PBX1: variants seen among roughly 807,000 people sequenced by gnomAD.
PBX1 encodes the protein PBX homeobox 1.
PBX1 carries 6 observed loss-of-function variants against 53.4 expected under a neutral mutation model. The observed-to-expected ratio is 0.11, with a 90% CI of 0.06 to 0.22. The LOEUF (loss-of-function observed/expected upper bound fraction) is 0.22, where lower values mean the gene tolerates loss of function less well. Ranked by LOEUF, PBX1 falls within the 10% of genes least tolerant of loss-of-function variation. The pLI, the probability that PBX1 is intolerant of heterozygous loss-of-function variation, is 1.00. For missense variants in PBX1, 251 were observed against 551.4 expected, an observed-to-expected ratio of 0.46 and a Z score of 5.46; for synonymous variants, 204 against 212.3, an observed-to-expected ratio of 0.96 and a Z score of 0.34.
chr1:164,615,477 G>A (rs1657220079), intron 2 of PBX1, among the ~76,000 whole-genome samples: 1 of 151,824 alleles, frequency 6.6e-6, no homozygotes, highest in Admixed American at 6.6e-5. Flanking sequence ...TTGTTCAGGT[G>A]TAATATTCCT....
chr1:164,671,922 T>A (rs1393393250), intron 2 of PBX1, among the ~76,000 whole-genome samples: 1 of 152,194 alleles, frequency 6.6e-6, no homozygotes, highest in East Asian at 1.9e-4. Context: ...CTCTTGTACT[T>A]TCAAAGAATG....
At chr1:164,773,221 C>T (rs1049885374) in intron 2 of PBX1, among the ~76,000 whole-genome samples, 2 of 120,286 alleles carry the variant, frequency 1.7e-5, no homozygotes, top group African/African-American at 6.4e-5. Flanking sequence ...TATTTTCCAG[C>T]TCTTGCATAT....
At chr1:164,638,965 C>G (rs1658955035) in intron 2 of PBX1, among the ~76,000 whole-genome samples, 2 of 152,164 alleles carry the variant, frequency 1.3e-5, no homozygotes, top group South Asian at 4.1e-4. Context: ...GTAGGTACTG[C>G]CTGCCCGTTT....
intron 2 of PBX1, chr1:164,774,475 C>CT (rs1474666623): frequency 6.6e-6 from 1 of 152,198 alleles, no homozygotes; most frequent in Non-Finnish European, 1.5e-5. Flanking sequence ...TCTATGTCAG[C>CT]TGGGACCCTG....
At chr1:164,672,608 C>T (rs1007395575) in intron 2 of PBX1, among the ~76,000 whole-genome samples, 1 of 152,160 alleles carries the variant, frequency 6.6e-6, no homozygotes, top group Non-Finnish European at 1.5e-5. Context: ...TCTTGAGCTG[C>T]AGCTGATCAG....
chr1:164,617,577 G>A (rs535273404), intron 2 of PBX1, among the ~76,000 whole-genome samples: 71 of 152,318 alleles, frequency 4.7e-4, no homozygotes, highest in African/African-American at 1.6e-3. Context: ...GGGCTTCCCC[G>A]AGGTTTAATA....
intron 2 of PBX1, among the ~76,000 whole-genome samples, chr1:164,765,970 C>T (rs928001219): frequency 3.3e-5 from 5 of 152,146 alleles, no homozygotes; most frequent in Non-Finnish European, 7.3e-5. Context: ...ATGCCCCTAG[C>T]AAAGTTCTAA....
intron 2 of PBX1, among the ~76,000 whole-genome samples, chr1:164,602,320 G>T (rs1003450963): frequency 6.6e-6 from 1 of 152,116 alleles, no homozygotes; most frequent in Non-Finnish European, 1.5e-5. Flanking sequence ...CTCACACCCC[G>T]CTCGGTTTCA....
chr1:164,806,955 C>T (rs1435366917), intron 4 of PBX1, among the ~76,000 whole-genome samples: 3 of 152,186 alleles, frequency 2.0e-5, no homozygotes, highest in East Asian at 1.9e-4. Context: ...TTCAATTGAC[C>T]GAGGATTCAA....
chr1:164,641,822 C>T (rs1235577933), intron 2 of PBX1: 1 of 152,184 alleles, frequency 6.6e-6, no homozygotes, highest in African/African-American at 2.4e-5. Flanking sequence ...TGACAGATAT[C>T]ACAAATTGGG....
At chr1:164,880,688 G>A (rs891494904) in intron 2 of PBX1, among the ~76,000 whole-genome samples, 7 of 152,224 alleles carry the variant, frequency 4.6e-5, no homozygotes, top group South Asian at 2.1e-4. Context: ...CACAGGTGTA[G>A]GATTGACTTT....
intron 2 of PBX1, among the ~76,000 whole-genome samples, chr1:164,732,713 A>T (rs917501370): frequency 6.6e-6 from 1 of 152,086 alleles, no homozygotes; most frequent in Non-Finnish European, 1.5e-5. Context: ...TGTACACCTC[A>T]TACCAGCCTC....
At chr1:164,758,700 CTTTTT>C (rs112745235) in intron 2 of PBX1, among the ~76,000 whole-genome samples, 1 of 146,520 alleles carries the variant, frequency 6.8e-6, no homozygotes, top group Non-Finnish European at 1.5e-5. Context: ...AGTTAGATCA[CTTTTT>C]TTTTTTTTCC....
intron 2 of PBX1, among the ~76,000 whole-genome samples, chr1:164,566,847 ATG>A (rs1436149529): frequency 2.6e-5 from 4 of 152,218 alleles, no homozygotes; most frequent in Non-Finnish European, 5.9e-5. Flanking sequence ...ATAGCTATAT[ATG>A]GCACTTTTCA....
intron 2 of PBX1, among the ~76,000 whole-genome samples, chr1:164,695,638 C>T (rs1397215926): frequency 1.3e-5 from 2 of 152,180 alleles, no homozygotes; most frequent in African/African-American, 2.4e-5. Context: ...TTAGCATGTT[C>T]GTTTCCCCGT....
chr1:164,656,283 C>T (rs1660158210), intron 2 of PBX1, among the ~76,000 whole-genome samples: 1 of 152,140 alleles, frequency 6.6e-6, no homozygotes, highest in African/African-American at 2.4e-5. Flanking sequence ...CACTTCTGTC[C>T]TGATAAAAGT....
chr1:164,610,413 A>G (rs891257467), intron 2 of PBX1, among the ~76,000 whole-genome samples: 2 of 152,062 alleles, frequency 1.3e-5, no homozygotes, highest in African/African-American at 4.8e-5. Flanking sequence ...TGGGTTCCAA[A>G]GAGAATGCGG....
intron 2 of PBX1, among the ~76,000 whole-genome samples, chr1:164,858,601 A>G (rs1672027429): frequency 1.3e-5 from 2 of 152,152 alleles, no homozygotes; most frequent in Admixed American, 6.5e-5. Context: ...TATTTCAATT[A>G]AACAAAGAGG....
intron 2 of PBX1, among the ~76,000 whole-genome samples, chr1:164,881,844 T>C (rs890133606): frequency 2.0e-5 from 3 of 152,154 alleles, no homozygotes; most frequent in African/African-American, 7.2e-5. Flanking sequence ...ATCTGGAACT[T>C]GAGATGCAAG....
Sources: gnomAD v4.1 joint callset for allele counts (sites outside exome capture counted in the v4.1 genomes callset) on GRCh38, gnomAD v4.1.1 for gene constraint, MANE v1.5 for transcripts, NCBI Gene and HGNC (gene_info 2026-07-23, HGNC 2026-07-21) for gene names.